PCNX1: variants seen among roughly 807,000 people sequenced by gnomAD.
PCNX1 encodes pecanex-like protein 1.
A neutral mutation model predicts 242.2 loss-of-function variants in PCNX1; 78 were observed. The observed-to-expected ratio is 0.32, with a 90% CI of 0.27 to 0.39. The LOEUF (loss-of-function observed/expected upper bound fraction) is 0.39, where lower values mean the gene tolerates loss of function less well. Ranked by LOEUF, PCNX1 falls within the 10% of genes least tolerant of loss-of-function variation. The pLI, the probability that PCNX1 is intolerant of heterozygous loss-of-function variation, is 1.00. For missense variants in PCNX1, 2,581 were observed against 2,856.5 expected (o/e 0.90, Z 2.20); for synonymous variants, 1,024 against 1,032.9 (o/e 0.99, Z 0.17).
rs147770498 is a variant in PCNX1, at chr14:71,088,571, T to A, written c.5438+141T>A. 959 of 519,520 alleles carry A rather than the reference T, an allele frequency of 1.8e-3. 7 individuals are homozygous for A. Among genetic ancestry groups the A allele is most frequent in the African/African-American group, 0.016 (868 of 53,030 alleles). The allele number at this position is 519,520 out of a possible 1,614,324, so 32.2% of individuals were successfully genotyped here. A position where few individuals can be genotyped will look rare whatever the true frequency, so the allele number is the denominator to read the frequency against. On this transcript the variant is annotated intron_variant, in intron 29 of 35. Transcript: ENST00000304743. The stretch of plus-strand genomic sequence containing the variant: ...AGGTTTTATATTTCTATACATCATC[T>A]TCTTGAACATAGGTGAGCTGTCTTA...
At chr14:70,981,806 A>C (rs1437950351) in intron 6 of PCNX1, among the ~76,000 whole-genome samples, 1 of 152,036 alleles carries the variant, frequency 6.6e-6, no homozygotes, top group South Asian at 2.1e-4. Flanking sequence ...GACCGTTTAA[A>C]CTTATTTCCT....
At chr14:71,041,841 C>T (rs1416849686) in intron 19 of PCNX1, among the ~76,000 whole-genome samples, 3 of 147,540 alleles carry the variant, frequency 2.0e-5, no homozygotes, top group Non-Finnish European at 4.6e-5. Context: ...TTCCCTTTAG[C>T]ATTGCTTTTG....
intron 30 of PCNX1, among the ~76,000 whole-genome samples, chr14:71,096,139 G>A (rs1206116695): frequency 6.6e-6 from 1 of 152,140 alleles, no homozygotes; most frequent in African/African-American, 2.4e-5. Flanking sequence ...CCAACAAGGT[G>A]AAACCTGATC....
intron 2 of PCNX1, among the ~76,000 whole-genome samples, chr14:70,950,775 T>C (rs1446408235): frequency 1.3e-5 from 2 of 152,230 alleles, no homozygotes; most frequent in African/African-American, 4.8e-5. Flanking sequence ...ATATTTGTTA[T>C]TCTGTGAATT....
intron 28 of PCNX1, among the ~76,000 whole-genome samples, chr14:71,084,846 G>T (rs1179438232): frequency 6.6e-6 from 1 of 152,186 alleles, no homozygotes; most frequent in Non-Finnish European, 1.5e-5. Context: ...CCCTTTCCAG[G>T]GGAGTGAACA....
At chr14:70,981,890 G>A (rs1289401731) in intron 6 of PCNX1, among the ~76,000 whole-genome samples, 3 of 152,158 alleles carry the variant, frequency 2.0e-5, no homozygotes, top group African/African-American at 7.2e-5. Context: ...CCCGAGTGGA[G>A]AGGTTTGTGT....
chr14:70,937,972 A>G (rs1441771019), intron 1 of PCNX1, among the ~76,000 whole-genome samples: 1 of 152,210 alleles, frequency 6.6e-6, no homozygotes, highest in Non-Finnish European at 1.5e-5. Flanking sequence ...ATTTTTGCAC[A>G]TTGATTTTGT....
intron 5 of PCNX1, among the ~76,000 whole-genome samples, chr14:70,970,283 T>C (rs1297508169): frequency 6.6e-6 from 1 of 151,700 alleles, no homozygotes; most frequent in Non-Finnish European, 1.5e-5. Flanking sequence ...GGAGGATCGC[T>C]TGATCCCAGG....
rs184535139 is a variant in PCNX1, at chr14:70,997,711, A to G, written c.2629+1786A>G. Among the ~76,000 whole-genome samples the G allele has an allele frequency of 5.9e-5, 9 of 152,314 alleles. No individual in the cohort carries two copies. In the East Asian group the frequency reaches 1.5e-3, roughly 26 times the overall value. On this transcript the variant is annotated intron_variant, in intron 8 of 35. Coordinates refer to ENST00000304743, the MANE Select transcript of PCNX1 (RefSeq NM_014982.3). ...ACTTAGTAATAATTAGCACAAAACA[A>G]TCAATGGAGTGTATACCTGTTCCAA...
chr14:71,034,850 CGTATA>C (rs1474024497), intron 18 of PCNX1, among the ~76,000 whole-genome samples: 2 of 152,020 alleles, frequency 1.3e-5, no homozygotes, highest in Non-Finnish European at 2.9e-5. Context: ...TTTCATGTTA[CGTATA>C]GTAGGATATT....
rs74061492 is a variant in PCNX1 at position 70,931,369 on chromosome 14, A to G, written c.154-15546A>G. ...TTTTCCCATTAGTAATTTGCCCACA[A>G]TGTAAACAGCCATAGGATGGACTGA... On this transcript the variant is annotated intron_variant, in intron 1 of 35. Coordinates refer to ENST00000304743, the MANE Select transcript of PCNX1 (RefSeq NM_014982.3). Among the ~76,000 whole-genome samples the G allele has an allele frequency of 9.0e-3, 1,367 of 152,344 alleles. 29 individuals are homozygous for G. Among genetic ancestry groups the G allele is most frequent in the African/African-American group, 0.031 (1,289 of 41,562 alleles).
At position 70,932,232 on chromosome 14, in the gene PCNX1, A is replaced by G. The variant is rs571566140; in HGVS notation, c.154-14683A>G. Among the ~76,000 whole-genome samples the G allele has an allele frequency of 2.5e-4, 38 of 152,362 alleles. 1 individual carries two copies. In the Middle Eastern group the frequency reaches 0.017, roughly 68 times the overall value. On this transcript the variant is annotated intron_variant, in intron 1 of 35. Coordinates refer to ENST00000304743, the MANE Select transcript of PCNX1 (RefSeq NM_014982.3). ...TTTTCTAATAGCTGGATGTGAAACT[A>G]TAGCATATAAGGCAGCAAAGGACAG...
Position 70,978,001 on chromosome 14 carries a change from C to A in PCNX1, c.1664C>A (p.Ser555Tyr), listed in dbSNP as rs757004496. Residue 555 changes from serine to tyrosine, a missense_variant, in exon 6 of 36, where the codon TCT becomes TAT. This residue lies in a region of PCNX1 where 1,204 missense variants were observed against 1,216.7 expected (regional missense o/e 0.99). Coordinates refer to ENST00000304743, the MANE Select transcript of PCNX1 (RefSeq NM_014982.3). ...KSSSVIHRTA[S>Y]AHKSGRRRTG... is the part of the protein sequence containing the mutation. ...TCTAGCGTAATCCATCGGACAGCTT[C>A]TGCCCACAAGTCAGGCAGGAGACGC... 4 of 1,614,054 alleles carry A rather than the reference C, an allele frequency of 2.5e-6. No individual in the cohort carries two copies. The highest frequency in any genetic ancestry group is 2.5e-6 in the Non-Finnish European group (3 of 1,180,042).
Position 70,962,241 on chromosome 14 carries a change from G to C in PCNX1, c.378G>C (p.Gly126=). Residue 126 remains glycine, a synonymous_variant, in exon 3 of 36, where the codon GGG becomes GGC. Transcript: ENST00000304743. ...DSNGPSDPGG[G]IEMSEFIREA... The stretch of plus-strand genomic sequence containing the variant: ...TTCTCCACAGTGATCCTGGTGGAGG[G>C]ATTGAAATGTCTGAGTTCATCCGAG... The C allele has an allele frequency of 1.2e-6, 2 of 1,607,684 alleles. No individual in the cohort carries two copies. Among genetic ancestry groups the C allele is most frequent in the South Asian group, 2.2e-5 (2 of 90,948 alleles).
chr14:70,928,312 G>A (rs2056665946), intron 1 of PCNX1, among the ~76,000 whole-genome samples: 1 of 152,138 alleles, frequency 6.6e-6, no homozygotes, highest in Non-Finnish European at 1.5e-5. Context: ...GCAGTGTCAT[G>A]TTGACAGAAT....
intron 15 of PCNX1, 112 bp downstream of exon 15, chr14:71,026,994 G>GA (rs550169408): frequency 0.011 from 4,842 of 437,232 alleles, no homozygotes; most frequent in South Asian, 0.014. Context: ...CTTGAAATTA[G>GA]AAAAAAAAAA....
chr14:71,051,820 C>T (rs542214474), intron 23 of PCNX1, 63 bp from the exon 24 acceptor site: 64 of 1,530,924 alleles, frequency 4.2e-5, no homozygotes, highest in Middle Eastern at 1.7e-4. Flanking sequence ...TAGGTTTTTG[C>T]GAGGGTTTGT....
At chr14:70,925,627 C>G (rs1454196145) in intron 1 of PCNX1, among the ~76,000 whole-genome samples, 1 of 138,854 alleles carries the variant, frequency 7.2e-6, no homozygotes, top group Non-Finnish European at 1.5e-5. Flanking sequence ...ACTGTATCTA[C>G]TCAGGTCTTT....
At chr14:71,018,384 C>T (rs2060012545) in intron 11 of PCNX1, among the ~76,000 whole-genome samples, 1 of 151,948 alleles carries the variant, frequency 6.6e-6, no homozygotes. Context: ...GTTTCTCTTA[C>T]AATGTCAATT....
Sources: gnomAD v4.1 joint callset for allele counts (sites outside exome capture counted in the v4.1 genomes callset) on GRCh38, gnomAD v4.1.1 for gene constraint, gnomAD v4.1.1 regional missense constraint, MANE v1.5 for transcripts, NCBI Gene and HGNC (gene_info 2026-07-23, HGNC 2026-07-21) for gene names.